Variants in GRIK4 observed in about 807,000 individuals in gnomAD.
The protein encoded by GRIK4 is glutamate receptor ionotropic, kainate 4.
GRIK4 carries 40 observed loss-of-function variants against 104.9 expected under a neutral mutation model. That is an observed-to-expected ratio of 0.38 (90% CI 0.30 to 0.50). The LOEUF is 0.50. Ranked by LOEUF, GRIK4 falls within the 20% of genes least tolerant of loss-of-function variation. GRIK4 has a pLI of 0.93. For synonymous variants in GRIK4, 485 were observed against 524.9 expected, an observed-to-expected ratio of 0.92 and a Z score of 1.04; for missense variants, 1,047 against 1,308.1, an observed-to-expected ratio of 0.80 and a Z score of 3.08.
At chr11:120,973,721 C>T (rs1193679247) in intron 19 of GRIK4, among the ~76,000 whole-genome samples, 5 of 152,182 alleles carry the variant, frequency 3.3e-5, no homozygotes, top group Non-Finnish European at 1.5e-5. Context: ...GGCTAAGAGG[C>T]TTCTTGGCCA....
chr11:120,963,880 A>G (rs1257875018), intron 18 of GRIK4, among the ~76,000 whole-genome samples: 1 of 152,160 alleles, frequency 6.6e-6, no homozygotes, highest in Non-Finnish European at 1.5e-5. Context: ...CTGATAATCT[A>G]GTTAGGTGCC....
intron 1 of GRIK4, chr11:120,564,537 C>T (rs1948285840): frequency 6.6e-6 from 1 of 152,332 alleles, no homozygotes. Flanking sequence ...AGAGAGGACC[C>T]CATCCCCTCC....
At chr11:120,527,715 G>A (rs890479593) in intron 1 of GRIK4, among the ~76,000 whole-genome samples, 3 of 152,248 alleles carry the variant, frequency 2.0e-5, no homozygotes, top group African/African-American at 7.2e-5. Context: ...TGAGAGAGAG[G>A]TGGCATTGTG....
At chr11:120,522,151 T>C (rs906934754) in intron 1 of GRIK4, among the ~76,000 whole-genome samples, 1 of 152,134 alleles carries the variant, frequency 6.6e-6, no homozygotes, top group Non-Finnish European at 1.5e-5. Context: ...TCTGGAGTGA[T>C]CCTAAGGCAG....
chr11:120,837,295 G>A (rs1953598351), intron 8 of GRIK4, among the ~76,000 whole-genome samples: 1 of 152,188 alleles, frequency 6.6e-6, no homozygotes, highest in African/African-American at 2.4e-5. Context: ...AGGGGCTGCT[G>A]TGGGATTGTT....
chr11:120,525,299 C>A (rs1223418146), intron 1 of GRIK4, among the ~76,000 whole-genome samples: 1 of 152,194 alleles, frequency 6.6e-6, no homozygotes, highest in Non-Finnish European at 1.5e-5. Flanking sequence ...ATGTGACTTG[C>A]AGAATCGAGG....
intron 7 of GRIK4, among the ~76,000 whole-genome samples, chr11:120,834,805 A>G (rs1953529690): frequency 6.6e-6 from 1 of 152,228 alleles, no homozygotes; most frequent in South Asian, 2.1e-4. Context: ...TTAAAAACCA[A>G]GGATCTCTTG....
At position 120,642,635 on chromosome 11, in the gene GRIK4, C is replaced by T. The variant is rs1270198861; in HGVS notation, c.-158-11050C>T. Reference sequence around the variant, plus strand: ...CCAGGCTGTGAGGCCCCATCTTCTCCCTCTCCTTGGCACTCCTGTCCCTTC... The same window carrying T: ...CCAGGCTGTGAGGCCCCATCTTCTCTCTCTCCTTGGCACTCCTGTCCCTTC... On this transcript the variant is annotated intron_variant, in intron 1 of 20. Coordinates refer to ENST00000527524, the MANE Select transcript of GRIK4 (RefSeq NM_014619.5). Among the ~76,000 whole-genome samples, 6 of 152,266 alleles carry T rather than the reference C, an allele frequency of 3.9e-5. No individual in the cohort carries two copies. The East Asian group carries it at 9.6e-4, about 24-fold the overall frequency.
chr11:120,794,367 T>G (rs1000339956), intron 3 of GRIK4, among the ~76,000 whole-genome samples: 11 of 151,876 alleles, frequency 7.2e-5, no homozygotes, highest in Non-Finnish European at 1.5e-4. Flanking sequence ...GTTAGGAATT[T>G]AGAGTCAGGT....
intron 8 of GRIK4, among the ~76,000 whole-genome samples, chr11:120,845,704 CCAGA>C (rs1301304366): frequency 6.6e-6 from 1 of 151,864 alleles, no homozygotes; most frequent in Non-Finnish European, 1.5e-5. Context: ...AATCCATCAG[CCAGA>C]CAACTTTCTA....
chr11:120,910,538 T>C (rs1942967794), intron 13 of GRIK4, among the ~76,000 whole-genome samples: 1 of 152,136 alleles, frequency 6.6e-6, no homozygotes, highest in Non-Finnish European at 1.5e-5. Flanking sequence ...AAGGACTGAG[T>C]GGCAGTGATG....
rs584092 is a variant in GRIK4, at chr11:120,952,687, C to T, written c.1591-168C>T. Among the ~76,000 whole-genome samples, 24,718 of 152,060 alleles carry T rather than the reference C, an allele frequency of 0.16. 2,126 individuals carry two copies. The highest frequency in any genetic ancestry group is 0.29 in the Middle Eastern group (84 of 294). ...GCTGGGTCGTGTCATTTGCGCAGCCCGGCAACACCCTCATTCCCAGTGTCA... is the reference window on the plus strand; with the variant it reads ...GCTGGGTCGTGTCATTTGCGCAGCCTGGCAACACCCTCATTCCCAGTGTCA... On this transcript the variant is annotated intron_variant, in intron 14 of 20. Transcript: ENST00000527524. This position sits in a 1 kb window ranked among gnomAD's most constrained non-coding sequence, Gnocchi z 5.2.
chr11:120,890,783 G>T (rs936006477), intron 11 of GRIK4, among the ~76,000 whole-genome samples: 1 of 152,198 alleles, frequency 6.6e-6, no homozygotes, highest in African/African-American at 2.4e-5. Context: ...GGAGATTTAC[G>T]TAAGCAGAGC....
chr11:120,723,036 C>T (rs11606461), intron 3 of GRIK4, among the ~76,000 whole-genome samples: 1,733 of 152,284 alleles, frequency 0.011, 14 homozygotes, highest in Non-Finnish European at 0.016. Context: ...AAATGTTTTG[C>T]ATATACTATC....
intron 1 of GRIK4, among the ~76,000 whole-genome samples, chr11:120,591,010 GT>G (rs1948726403): frequency 6.6e-6 from 1 of 152,076 alleles, no homozygotes; most frequent in African/African-American, 2.4e-5. Flanking sequence ...GAGGTGTTAT[GT>G]TTAGTGGTTA....
At chr11:120,633,045 C>T (rs941613783) in intron 1 of GRIK4, among the ~76,000 whole-genome samples, 6 of 152,018 alleles carry the variant, frequency 3.9e-5, no homozygotes, top group African/African-American at 1.5e-4. Context: ...CAGATGATGG[C>T]ACCTTGGTCA....
rs570008054 is a variant in GRIK4, at chr11:120,981,687, T to G, written c.2396-419T>G. 3.3e-5 allele frequency among the ~76,000 whole-genome samples: 5 copies of G among 152,378 alleles called. No individual in the cohort carries two copies. The East Asian group carries it at 9.6e-4, about 29-fold the overall frequency. ...GGTTTGGTCAAAACAGTTGCTTTTA[T>G]ATCACATAAATACAATGTTAGGAAG... On this transcript the variant is annotated intron_variant, in intron 19 of 20. Transcript: ENST00000527524.
intron 13 of GRIK4, among the ~76,000 whole-genome samples, chr11:120,934,514 A>G (rs2134620982): frequency 6.6e-6 from 1 of 152,256 alleles, no homozygotes; most frequent in Middle Eastern, 3.4e-3. Context: ...TGGCCACGCC[A>G]AGCCTTCAGG....
At chr11:120,818,806 T>C (rs1184911911) in intron 5 of GRIK4, among the ~76,000 whole-genome samples, 1 of 152,232 alleles carries the variant, frequency 6.6e-6, no homozygotes, top group Non-Finnish European at 1.5e-5. Flanking sequence ...CAGGAAGTTC[T>C]TCCTGCTGTC....
Sources: allele counts gnomAD v4.1 joint callset (sites outside exome capture counted in the v4.1 genomes callset), GRCh38; gene constraint gnomAD v4.1.1; non-coding constraint Gnocchi (gnomAD v3.1); transcripts MANE v1.5; gene names NCBI Gene and HGNC (gene_info 2026-07-23, HGNC 2026-07-21).